SAMD5: variants seen among roughly 807,000 people sequenced by gnomAD.
SAMD5 encodes sterile alpha motif domain containing 5, also known as sterile alpha motif domain-containing protein 5.
In SAMD5, 13 loss-of-function variants were observed where a neutral mutation model predicts 11.3. The observed-to-expected ratio is 1.15, with a 90% CI of 0.75 to 1.83. SAMD5 has a LOEUF of 1.83. SAMD5 is among the 40% of genes most tolerant of loss of function. The pLI, the probability that SAMD5 is intolerant of heterozygous loss-of-function variation, is 0.00. For missense variants in SAMD5, 255 were observed against 239.1 expected (o/e 1.07, Z -0.44); for synonymous variants, 129 against 111.3 (o/e 1.16, Z -1.00).
At chr6:147,870,393 A>G in the SAMD5 span, among the ~76,000 whole-genome samples, 1,000 of 151,272 alleles carry the variant, frequency 6.6e-3, 13 homozygotes, top group African/African-American at 0.023. Flanking sequence ...GCTCTTTTCT[A>G]TGCCACAGAA....
intron 1 of SAMD5, among the ~76,000 whole-genome samples, chr6:147,705,764 T>C (rs1338216217): frequency 6.6e-6 from 1 of 152,238 alleles, no homozygotes; most frequent in East Asian, 1.9e-4. Context: ...GTCCAGCTAT[T>C]GATTTGGGCA....
At chr6:147,692,370 C>T (rs1791115916) in intron 1 of SAMD5, 1 of 152,164 alleles carries the variant, frequency 6.6e-6, no homozygotes, top group Admixed American at 6.5e-5. Flanking sequence ...ACATAAAATT[C>T]CCTGTAGAAT....
intron 1 of SAMD5, among the ~76,000 whole-genome samples, chr6:147,679,735 A>G (rs1790914143): frequency 6.6e-6 from 1 of 151,302 alleles, no homozygotes; most frequent in Admixed American, 6.6e-5. Context: ...AACCCAATAT[A>G]TACTGTCCTA....
the SAMD5 span, among the ~76,000 whole-genome samples, chr6:147,757,440 G>A: frequency 6.6e-6 from 1 of 152,086 alleles, no homozygotes; most frequent in African/African-American, 2.4e-5. Flanking sequence ...TTCTTTCTGA[G>A]CAGTTTGGAT....
At chr6:147,640,003 G>C (rs921836957) in intron 1 of SAMD5, among the ~76,000 whole-genome samples, 2 of 152,052 alleles carry the variant, frequency 1.3e-5, no homozygotes, top group East Asian at 3.9e-4. Flanking sequence ...TTCAGCTGCC[G>C]TCACACACAT....
chr6:147,851,049 G>C, the SAMD5 span, among the ~76,000 whole-genome samples: 1 of 150,760 alleles, frequency 6.6e-6, no homozygotes, highest in African/African-American at 2.4e-5. Flanking sequence ...CAGATTCAAG[G>C]GATTCTCCTA....
At chr6:147,697,144 T>G (rs1791187995) in intron 1 of SAMD5, among the ~76,000 whole-genome samples, 1 of 152,166 alleles carries the variant, frequency 6.6e-6, no homozygotes, top group Non-Finnish European at 1.5e-5. Context: ...GGTTTCCATC[T>G]AGGTCCTGCT....
the SAMD5 span, among the ~76,000 whole-genome samples, chr6:147,928,902 C>T: frequency 2.6e-5 from 4 of 151,564 alleles, no homozygotes; most frequent in Non-Finnish European, 5.9e-5. Context: ...TTGATTTTTG[C>T]CTTAATTTCA....
intron 1 of SAMD5, among the ~76,000 whole-genome samples, chr6:147,604,500 A>T (rs570699174): frequency 6.6e-6 from 1 of 152,210 alleles, no homozygotes; most frequent in African/African-American, 2.4e-5. Flanking sequence ...GGAAAAACAT[A>T]GTTGGCAGAA....
At chr6:147,512,336 A>G (rs1406574685) in intron 1 of SAMD5, among the ~76,000 whole-genome samples, 2 of 152,294 alleles carry the variant, frequency 1.3e-5, no homozygotes, top group Non-Finnish European at 2.9e-5. Flanking sequence ...AGTCATTTGC[A>G]TCAATGATGC....
chr6:147,725,982 C>A (rs1181134437), intron 1 of SAMD5, among the ~76,000 whole-genome samples: 1 of 152,190 alleles, frequency 6.6e-6, no homozygotes, highest in East Asian at 1.9e-4. Flanking sequence ...CACCATTAAC[C>A]CATTGAGCAG....
At chr6:147,698,794 A>G (rs1791214335) in intron 1 of SAMD5, among the ~76,000 whole-genome samples, 1 of 152,238 alleles carries the variant, frequency 6.6e-6, no homozygotes, top group African/African-American at 2.4e-5. Context: ...GAATTGTGAT[A>G]TCATGGAGAT....
the SAMD5 span, among the ~76,000 whole-genome samples, chr6:147,778,548 G>A: frequency 6.6e-6 from 1 of 151,988 alleles, no homozygotes; most frequent in African/African-American, 2.4e-5. Flanking sequence ...TCCAAACCTT[G>A]GATTCATCCC....
intron 1 of SAMD5, among the ~76,000 whole-genome samples, chr6:147,589,586 T>G (rs1789425054): frequency 6.6e-6 from 1 of 152,158 alleles, no homozygotes; most frequent in African/African-American, 2.4e-5. Flanking sequence ...CACAGGGGAA[T>G]GGTAGTAGCA....
chr6:147,541,772 T>C (rs906797883), intron 1 of SAMD5, among the ~76,000 whole-genome samples: 1 of 152,138 alleles, frequency 6.6e-6, no homozygotes, highest in Non-Finnish European at 1.5e-5. Flanking sequence ...TTCCAAATGA[T>C]TGTCCTATTC....
At chr6:147,843,000 CAGGTGCCTGCCACCACGCCT>C in the SAMD5 span, among the ~76,000 whole-genome samples, 1 of 152,144 alleles carries the variant, frequency 6.6e-6, no homozygotes, top group Non-Finnish European at 1.5e-5. Context: ...GCTGGGATTA[CAGGTGCCTGCCACCACGCCT>C]AGCTAATTGT....
chr6:147,953,346 A>C, the SAMD5 span: 1 of 152,084 alleles, frequency 6.6e-6, no homozygotes, highest in Non-Finnish European at 1.5e-5. Flanking sequence ...GACTCTCAGA[A>C]ATTCTGTCAG....
the SAMD5 span, among the ~76,000 whole-genome samples, chr6:147,928,776 C>T: frequency 3.3e-5 from 5 of 152,044 alleles, no homozygotes; most frequent in Non-Finnish European, 7.4e-5. Flanking sequence ...TTAGATCTTT[C>T]TAACTTTTTG....
At chr6:147,839,875 C>T in the SAMD5 span, among the ~76,000 whole-genome samples, 3 of 152,172 alleles carry the variant, frequency 2.0e-5, no homozygotes, top group African/African-American at 7.2e-5. Flanking sequence ...TCTCATTTGA[C>T]CCACACAATA....
Sources: allele counts gnomAD v4.1 joint callset (sites outside exome capture counted in the v4.1 genomes callset), GRCh38; gene constraint gnomAD v4.1.1; transcripts MANE v1.5; gene names NCBI Gene and HGNC (gene_info 2026-07-23, HGNC 2026-07-21).